The following MTHFD1L variants were observed in gnomAD, a reference collection of about 807,000 sequenced individuals.
The protein encoded by MTHFD1L is methylenetetrahydrofolate dehydrogenase (NADP+ dependent) 1 like.
A neutral mutation model predicts 119.5 loss-of-function variants in MTHFD1L; 81 were observed. The ratio of observed to expected loss-of-function variants is 0.68; its 90% CI spans 0.57 to 0.82. MTHFD1L has a LOEUF of 0.82. MTHFD1L is among the 40% of genes least tolerant of loss of function. The pLI, the probability that MTHFD1L is intolerant of heterozygous loss-of-function variation, is 0.00. For missense variants in MTHFD1L, 1,125 were observed against 1,253.4 expected (o/e 0.90, Z 1.55); for synonymous variants, 430 against 475.2 (o/e 0.90, Z 1.24).
intron 7 of MTHFD1L, among the ~76,000 whole-genome samples, chr6:150,892,120 C>T (rs185025620): frequency 1.1e-4 from 16 of 152,236 alleles, no homozygotes; most frequent in Admixed American, 7.8e-4. Flanking sequence ...AATTCAAGGG[C>T]AATAGTTTGC....
intron 26 of MTHFD1L, among the ~76,000 whole-genome samples, chr6:151,078,572 T>C (rs1792813751): frequency 6.6e-6 from 1 of 152,128 alleles, no homozygotes; most frequent in Admixed American, 6.5e-5. Flanking sequence ...AGAATTCCAT[T>C]CCTTGAAGTT....
Position 150,926,823 on chromosome 6 carries a change from A to C in MTHFD1L, c.1256+528A>C, listed in dbSNP as rs996194618. 1.1e-4 allele frequency among the ~76,000 whole-genome samples: 17 copies of C among 152,194 alleles called. No individual in the cohort carries two copies. Among genetic ancestry groups the C allele is most frequent in the African/African-American group, 3.6e-4 (15 of 41,446 alleles). On this transcript the variant is annotated intron_variant, in intron 11 of 27. Transcript: ENST00000367321. This position sits in a 1 kb window ranked among gnomAD's most constrained non-coding sequence, Gnocchi z 4.3. ...TTTTCATTTGTGTTGGTTATTTTAT[A>C]AAAGACAAATTCATAGTTTTTGTGA...
At chr6:150,881,217 T>TGA (rs984124288) in intron 4 of MTHFD1L, among the ~76,000 whole-genome samples, 2 of 152,208 alleles carry the variant, frequency 1.3e-5, no homozygotes, top group Non-Finnish European at 2.9e-5. Context: ...TTTTATGGTT[T>TGA]GAGACCTTAT....
intron 19 of MTHFD1L, among the ~76,000 whole-genome samples, chr6:150,966,077 G>A (rs1797171205): frequency 6.6e-6 from 1 of 152,210 alleles, no homozygotes; most frequent in South Asian, 2.1e-4. Flanking sequence ...GGGGCCTTGG[G>A]CAGCAAGGTG....
chr6:150,903,219 T>C (rs994901183), intron 7 of MTHFD1L, among the ~76,000 whole-genome samples: 5 of 135,412 alleles, frequency 3.7e-5, no homozygotes, highest in East Asian at 2.1e-4. Flanking sequence ...TTTTTTTTTT[T>C]TTTTTTTTTT....
At chr6:150,982,981 T>G (rs1777757352) in intron 20 of MTHFD1L, among the ~76,000 whole-genome samples, 1 of 152,240 alleles carries the variant, frequency 6.6e-6, no homozygotes, top group South Asian at 2.1e-4. Flanking sequence ...ATTACAGGCA[T>G]GAGCCACTAT....
intron 20 of MTHFD1L, among the ~76,000 whole-genome samples, chr6:150,978,251 G>A (rs1463897423): frequency 2.0e-5 from 3 of 151,964 alleles, no homozygotes; most frequent in Non-Finnish European, 4.4e-5. Flanking sequence ...TCTCACAGGG[G>A]ACCATGACAT....
At chr6:150,894,106 G>T (rs1783816521) in intron 7 of MTHFD1L, among the ~76,000 whole-genome samples, 1 of 152,144 alleles carries the variant, frequency 6.6e-6, no homozygotes, top group Non-Finnish European at 1.5e-5. Flanking sequence ...GCCAGGCGTG[G>T]TGGCTGTAGT....
intron 1 of MTHFD1L, chr6:150,866,329 C>G: frequency 6.9e-7 from 1 of 1,454,624 alleles, no homozygotes; most frequent in South Asian, 1.3e-5. Context: ...GCACGCCCGG[C>G]TCCACGTGCG....
At chr6:151,012,016 CAACAAAAAAAAAA>C (rs1782309935) in intron 21 of MTHFD1L, among the ~76,000 whole-genome samples, 4 of 27,600 alleles carry the variant, frequency 1.4e-4, no homozygotes, top group African/African-American at 6.2e-4. Context: ...ACAACAACAA[CAACAAAAAAAAAA>C]AAAAAAAAAA....
chr6:151,072,246 TTTA>T (rs1792032412), intron 26 of MTHFD1L, among the ~76,000 whole-genome samples: 1 of 152,200 alleles, frequency 6.6e-6, no homozygotes, highest in Admixed American at 6.5e-5. Flanking sequence ...TGGCTCTAGG[TTTA>T]GAAAGCAATT....
chr6:150,929,431 T>C (rs4869954), intron 11 of MTHFD1L, among the ~76,000 whole-genome samples: 63,140 of 152,072 alleles, frequency 0.42, 15,028 homozygotes, highest in African/African-American at 0.66. Flanking sequence ...TATCCAGTCC[T>C]TGTGCTTTAC....
At chr6:150,992,492 T>C (rs1779187067) in intron 20 of MTHFD1L, among the ~76,000 whole-genome samples, 1 of 152,246 alleles carries the variant, frequency 6.6e-6, no homozygotes, top group Admixed American at 6.5e-5. Context: ...TATGCTGCTT[T>C]ACTTCTCTGA....
chr6:150,994,064 T>TAAAA (rs746589557), intron 20 of MTHFD1L, among the ~76,000 whole-genome samples: 10,270 of 69,064 alleles, frequency 0.15, 573 homozygotes, highest in Middle Eastern at 0.21. Flanking sequence ...ACAACAACAG[T>TAAAA]AAAAAAAAAA....
At chr6:151,006,243 G>T (rs1781371917) in intron 20 of MTHFD1L, among the ~76,000 whole-genome samples, 1 of 152,194 alleles carries the variant, frequency 6.6e-6, no homozygotes, top group Non-Finnish European at 1.5e-5. Context: ...AAAGCATCAG[G>T]ACAAGCTTCC....
At chr6:150,945,572 G>T (rs1341047144) in intron 15 of MTHFD1L, 31 bp downstream of exon 15, 1 of 1,594,358 alleles carries the variant, frequency 6.3e-7, no homozygotes. Flanking sequence ...TCTTTAAAAA[G>T]AAAATATCGT....
At chr6:150,972,659 G>T (rs1254754617) in intron 20 of MTHFD1L, among the ~76,000 whole-genome samples, 1 of 152,220 alleles carries the variant, frequency 6.6e-6, no homozygotes, top group Non-Finnish European at 1.5e-5. Context: ...TGCTCCTGTG[G>T]AGCGTACTGT....
At chr6:151,040,426 C>T (rs1240939041) in intron 26 of MTHFD1L, among the ~76,000 whole-genome samples, 10 of 152,198 alleles carry the variant, frequency 6.6e-5, no homozygotes, top group Non-Finnish European at 1.5e-4. Flanking sequence ...TAAATAAAAA[C>T]CAGGGCCCGC....
intron 26 of MTHFD1L, among the ~76,000 whole-genome samples, chr6:151,048,032 C>T (rs1788375426): frequency 6.6e-6 from 1 of 152,112 alleles, no homozygotes; most frequent in Admixed American, 6.5e-5. Flanking sequence ...AACCAGATCT[C>T]ATGAGAACTC....
Sources: allele counts gnomAD v4.1 joint callset (sites outside exome capture counted in the v4.1 genomes callset), GRCh38; gene constraint gnomAD v4.1.1; non-coding constraint Gnocchi (gnomAD v3.1); transcripts MANE v1.5; gene names NCBI Gene and HGNC (gene_info 2026-07-23, HGNC 2026-07-21).